NRXN3: variants seen among roughly 807,000 people sequenced by gnomAD.
NRXN3 encodes neurexin III.
Under a neutral mutation model 137.6 loss-of-function variants are expected in NRXN3, and 32 were observed. The ratio of observed to expected loss-of-function variants is 0.23; its 90% CI spans 0.18 to 0.31. The LOEUF (loss-of-function observed/expected upper bound fraction) is 0.31. Among genes scored for constraint, NRXN3 ranks in the 10% least tolerant of loss-of-function variants. The pLI is 1.00. For synonymous variants in NRXN3, 798 were observed against 784.5 expected (o/e 1.02, Z -0.29); for missense variants, 1,574 against 2,062.5 (o/e 0.76, Z 4.59).
intron 15 of NRXN3, among the ~76,000 whole-genome samples, chr14:79,387,804 G>A (rs1180142773): frequency 6.6e-6 from 1 of 151,982 alleles, no homozygotes; most frequent in Non-Finnish European, 1.5e-5. Flanking sequence ...GTCCTTTGTA[G>A]CGACATGGAT....
At chr14:78,435,650 C>G in intron 4 of NRXN3, among the ~76,000 whole-genome samples, 1 of 152,204 alleles carries the variant, frequency 6.6e-6, no homozygotes, top group East Asian at 1.9e-4. Flanking sequence ...TCCCAGTTCA[C>G]CTATTTGAGA....
chr14:79,149,733 A>T (rs1055945923), intron 15 of NRXN3, among the ~76,000 whole-genome samples: 3 of 152,092 alleles, frequency 2.0e-5, no homozygotes, highest in Non-Finnish European at 4.4e-5. Context: ...GGAAGCCATT[A>T]TCCTCAGCAA....
At chr14:78,812,386 G>A (rs2098916701) in intron 10 of NRXN3, among the ~76,000 whole-genome samples, 1 of 152,102 alleles carries the variant, frequency 6.6e-6, no homozygotes, top group South Asian at 2.1e-4. Context: ...AAATAAGGTG[G>A]AAACCCAGCA....
intron 6 of NRXN3, among the ~76,000 whole-genome samples, chr14:78,707,038 G>A (rs572565662): frequency 2.0e-5 from 3 of 152,220 alleles, no homozygotes; most frequent in East Asian, 3.9e-4. Flanking sequence ...ACCTTTTCAG[G>A]GCTGTGGAAA....
intron 15 of NRXN3, among the ~76,000 whole-genome samples, chr14:79,240,891 G>C (rs2074171976): frequency 6.6e-6 from 1 of 152,124 alleles, no homozygotes; most frequent in African/African-American, 2.4e-5. Flanking sequence ...ATGCCATGCA[G>C]GTGCAGAATC....
At chr14:79,131,486 G>T (rs569816886) in intron 15 of NRXN3, among the ~76,000 whole-genome samples, 1 of 152,302 alleles carries the variant, frequency 6.6e-6, no homozygotes, top group East Asian at 1.9e-4. Context: ...CAGTTAGGCT[G>T]CTTGGGGGTC....
chr14:78,817,091 A>G (rs569193211), intron 10 of NRXN3, among the ~76,000 whole-genome samples: 9 of 152,216 alleles, frequency 5.9e-5, no homozygotes, highest in Non-Finnish European at 1.2e-4. Flanking sequence ...TTTATCTCCT[A>G]CATTATTATT....
intron 10 of NRXN3, among the ~76,000 whole-genome samples, chr14:78,859,055 C>T (rs898966864): frequency 6.6e-6 from 1 of 151,684 alleles, no homozygotes; most frequent in Non-Finnish European, 1.5e-5. Context: ...GTAATTAAAT[C>T]ACAGGGGGGC....
At chr14:79,367,254 A>G (rs2093931697) in intron 15 of NRXN3, among the ~76,000 whole-genome samples, 1 of 152,202 alleles carries the variant, frequency 6.6e-6, no homozygotes, top group Non-Finnish European at 1.5e-5. Context: ...AAGTGCTGGG[A>G]TTACAGGCGT....
At chr14:79,106,952 A>T (rs545604348) in intron 15 of NRXN3, among the ~76,000 whole-genome samples, 7 of 152,248 alleles carry the variant, frequency 4.6e-5, no homozygotes, top group East Asian at 1.9e-4. Flanking sequence ...GTGATTTTTT[A>T]AAAAAAGTAT....
intron 4 of NRXN3, among the ~76,000 whole-genome samples, chr14:78,375,992 T>C (rs1461005853): frequency 7.0e-6 from 1 of 142,158 alleles, no homozygotes; most frequent in Non-Finnish European, 1.5e-5. Flanking sequence ...GTTCAACTTC[T>C]TCCTCCTTGA....
At chr14:79,551,738 T>C (rs1242785529) in intron 16 of NRXN3, among the ~76,000 whole-genome samples, 2 of 152,024 alleles carry the variant, frequency 1.3e-5, no homozygotes, top group Non-Finnish European at 2.9e-5. Context: ...GGGAGGGGAA[T>C]AGTACACCCT....
At chr14:79,383,526 A>T (rs1182153532) in intron 15 of NRXN3, among the ~76,000 whole-genome samples, 1 of 152,154 alleles carries the variant, frequency 6.6e-6, no homozygotes, top group Non-Finnish European at 1.5e-5. Context: ...AAATTCCAAG[A>T]AACTTAGTAT....
At chr14:78,172,512 A>G (rs2058819579) in intron 1 of NRXN3, among the ~76,000 whole-genome samples, 1 of 152,196 alleles carries the variant, frequency 6.6e-6, no homozygotes, top group African/African-American at 2.4e-5. Flanking sequence ...CATATGGGGC[A>G]AACGATATTT....
At chr14:79,125,226 T>G (rs528207883) in intron 15 of NRXN3, among the ~76,000 whole-genome samples, 11 of 152,316 alleles carry the variant, frequency 7.2e-5, no homozygotes, top group African/African-American at 2.6e-4. Context: ...CCACTATAAC[T>G]GATCCCTGTC....
chr14:79,615,011 CCA>C (rs2153883850), intron 16 of NRXN3, among the ~76,000 whole-genome samples: 1 of 152,240 alleles, frequency 6.6e-6, no homozygotes, highest in African/African-American at 2.4e-5. Context: ...AGACTGAGTC[CCA>C]CAGTGCCTCA....
At chr14:79,835,058 A>G (rs2293830) in intron 20 of NRXN3, among the ~76,000 whole-genome samples, 91,188 of 151,892 alleles carry the variant, frequency 0.6, 27,803 homozygotes, top group African/African-American at 0.72. Flanking sequence ...TTGTCTGTGC[A>G]TGGTCCATTT....
At chr14:79,305,912 T>C (rs1260185684) in intron 15 of NRXN3, among the ~76,000 whole-genome samples, 1 of 152,092 alleles carries the variant, frequency 6.6e-6, no homozygotes, top group African/African-American at 2.4e-5. Context: ...GGAATGTTCT[T>C]GAAATCCTGG....
intron 10 of NRXN3, among the ~76,000 whole-genome samples, chr14:78,936,026 C>T (rs905873173): frequency 6.6e-5 from 10 of 152,052 alleles, no homozygotes; most frequent in East Asian, 1.9e-4. Flanking sequence ...TCACGTAATC[C>T]GCTTCACATT....
Sources: allele counts gnomAD v4.1 joint callset (sites outside exome capture counted in the v4.1 genomes callset), GRCh38; gene constraint gnomAD v4.1.1; transcripts MANE v1.5; gene names NCBI Gene and HGNC (gene_info 2026-07-23, HGNC 2026-07-21).